Variants in CDH23 observed in about 807,000 individuals in gnomAD.
CDH23 encodes the protein cadherin-23.
CDH23 carries 189 observed loss-of-function variants against 317.1 expected under a neutral mutation model. The ratio of observed to expected loss-of-function variants is 0.60; its 90% CI spans 0.53 to 0.67. The LOEUF is 0.67. CDH23 is among the 30% of genes least tolerant of loss of function. The pLI is 0.00. For synonymous variants in CDH23, 1,839 were observed against 1,876.8 expected, an observed-to-expected ratio of 0.98 and a Z score of 0.52; for missense variants, 4,401 against 4,592.4, an observed-to-expected ratio of 0.96 and a Z score of 1.20.
intron 1 of CDH23, among the ~76,000 whole-genome samples, chr10:71,412,067 C>T (rs1348971416): frequency 1.3e-5 from 2 of 152,132 alleles, no homozygotes; most frequent in Non-Finnish European, 2.9e-5. Flanking sequence ...CAATATTCAT[C>T]CTTTTATGTC....
In CDH23 at chr10:71,799,111, G is replaced by T. The variant is rs1385569992; in HGVS notation, c.7055G>T (p.Gly2352Val). The T allele has an allele frequency of 2.5e-6, 4 of 1,612,338 alleles. No individual in the cohort carries two copies. The highest frequency in any genetic ancestry group is 3.4e-6 in the Non-Finnish European group (4 of 1,178,686). The change falls in exon 51 of 70, where the codon GGG (glycine) becomes GTG (valine). Residue 2352 changes from glycine to valine, a missense_variant and splice_region_variant. This residue lies in a region of CDH23 where 189 missense variants were observed against 250.9 expected (regional missense o/e 0.75). Coordinates refer to ENST00000224721, the MANE Select transcript of CDH23 (RefSeq NM_022124.6). ...GYVQLEDSSAGKVIANRTVDY... is the reference protein window; with the variant it reads ...GYVQLEDSSAVKVIANRTVDY... ...GGCAGTGGGAGCCTCTGTGTCTTAG[G>T]GAAGGTCATTGCCAACCGGACAGTG...
chr10:71,690,287 G>T (rs1865136249), intron 19 of CDH23, among the ~76,000 whole-genome samples, 181 bp from the exon 20 acceptor site: 1 of 152,140 alleles, frequency 6.6e-6, no homozygotes, highest in Non-Finnish European at 1.5e-5. Context: ...CAACGATTGA[G>T]CCGCCCTTGT....
intron 3 of CDH23, among the ~76,000 whole-genome samples, chr10:71,465,778 G>C (rs1295494224): frequency 6.6e-6 from 1 of 152,228 alleles, no homozygotes; most frequent in Non-Finnish European, 1.5e-5. Context: ...TGAGTGACAG[G>C]TGAGAGAAAG....
intron 31 of CDH23, 142 bp downstream of exon 31, chr10:71,730,746 G>A (rs1442646470): frequency 5.6e-6 from 7 of 1,259,562 alleles, no homozygotes; most frequent in South Asian, 1.4e-5. Flanking sequence ...GGGCTGCTGG[G>A]ATGGTCTTGA....
chr10:71,411,357 C>A (rs1848336246), intron 1 of CDH23, among the ~76,000 whole-genome samples: 1 of 151,872 alleles, frequency 6.6e-6, no homozygotes, highest in Admixed American at 6.6e-5. Flanking sequence ...AACTGGATTT[C>A]CTTCTATGTG....
intron 38 of CDH23, among the ~76,000 whole-genome samples, chr10:71,759,628 G>A (rs1254416491): frequency 6.6e-6 from 1 of 151,754 alleles, no homozygotes; most frequent in Non-Finnish European, 1.5e-5. Flanking sequence ...CCAACATGGT[G>A]AAACCCCAGC....
At chr10:71,461,184 A>G (rs1466813952) in intron 3 of CDH23, among the ~76,000 whole-genome samples, 1 of 152,208 alleles carries the variant, frequency 6.6e-6, no homozygotes, top group Admixed American at 6.5e-5. Flanking sequence ...CCATCAGGAG[A>G]CAGGGAAGAG....
chr10:71,396,923 C>A lies in CDH23; in HGVS notation c.-401C>A, dbSNP rs1847543312. ...GCGGGGGAAGCAAGGGAAAGTTGATCGCGGACTTGAGCGGCGGCGGCGGCT... is the reference window on the plus strand; with the variant it reads ...GCGGGGGAAGCAAGGGAAAGTTGATAGCGGACTTGAGCGGCGGCGGCGGCT... On this transcript the variant is annotated 5_prime_UTR_variant, in exon 1 of 70. Coordinates refer to ENST00000224721, the MANE Select transcript of CDH23 (RefSeq NM_022124.6). This position sits in a 1 kb window ranked among gnomAD's most constrained non-coding sequence, Gnocchi z 4.2. The A allele has an allele frequency of 6.5e-6, 1 of 152,948 alleles. No individual in the cohort carries two copies. The highest frequency in any genetic ancestry group is 1.9e-4 in the South Asian group (1 of 5,334). The allele number at this position is 152,948 out of a possible 1,614,324, so 9.5% of individuals were successfully genotyped here. A position where few individuals can be genotyped will look rare whatever the true frequency, so the allele number is the denominator to read the frequency against.
chr10:71,653,067 C>A (rs1454004583), intron 14 of CDH23, among the ~76,000 whole-genome samples: 4 of 151,398 alleles, frequency 2.6e-5, no homozygotes, highest in Non-Finnish European at 5.9e-5. Flanking sequence ...CAGCTCCCAT[C>A]TGGAAGTCTC....
chr10:71,703,361 G>A (rs1720672406), intron 24 of CDH23, among the ~76,000 whole-genome samples: 1 of 152,254 alleles, frequency 6.6e-6, no homozygotes, highest in African/African-American at 2.4e-5. Context: ...CAACGGGGAT[G>A]TGAATCCCAT....
intron 38 of CDH23, among the ~76,000 whole-genome samples, chr10:71,774,407 G>A (rs1242010145): frequency 6.6e-6 from 1 of 152,102 alleles, no homozygotes; most frequent in Admixed American, 6.5e-5. Context: ...CCCACTTCAC[G>A]AAATGTCCTG....
At chr10:71,813,522 G>C (rs1188044073) in intron 69 of CDH23, among the ~76,000 whole-genome samples, 174 bp downstream of exon 69, 3 of 152,172 alleles carry the variant, frequency 2.0e-5, no homozygotes, top group African/African-American at 7.2e-5. Flanking sequence ...CTGGGCTTTT[G>C]GGGGCTTTCA....
chr10:71,502,175 T>C (rs1210187185), intron 3 of CDH23, among the ~76,000 whole-genome samples: 2 of 152,230 alleles, frequency 1.3e-5, no homozygotes, highest in Non-Finnish European at 2.9e-5. Context: ...TCTGTCTCTC[T>C]AACAGCCCTG....
rs117671291 is a variant in CDH23, at chr10:71,658,772, C to T, written c.1449+12155C>T. Reference sequence around the variant, plus strand: ...GCCATGCCGGGATTCAGACCCCAGACGGTCTGACCCCAAAGCCCCTGGCTT... The same window carrying T: ...GCCATGCCGGGATTCAGACCCCAGATGGTCTGACCCCAAAGCCCCTGGCTT... On this transcript the variant is annotated intron_variant, in intron 14 of 69. Coordinates refer to ENST00000224721, the MANE Select transcript of CDH23 (RefSeq NM_022124.6). Among the ~76,000 whole-genome samples, 1,063 of 152,280 alleles carry T rather than the reference C, an allele frequency of 7.0e-3. 33 individuals carry two copies. In the East Asian group the frequency reaches 0.07, roughly 10 times the overall value.
At chr10:71,798,259 T>C in intron 49 of CDH23, 95 bp from the exon 50 acceptor site, 1 of 888,324 alleles carries the variant, frequency 1.1e-6, no homozygotes, top group South Asian at 1.5e-5. Context: ...TGTGGGATGC[T>C]GCCATGCTCA....
chr10:71,586,846 T>C (rs748423442), intron 9 of CDH23, among the ~76,000 whole-genome samples: 6 of 152,222 alleles, frequency 3.9e-5, no homozygotes, highest in Admixed American at 1.3e-4. Context: ...TTATCCTCGA[T>C]AGTATATATC....
chr10:71,614,844 A>G (rs1162326948), intron 9 of CDH23, among the ~76,000 whole-genome samples: 2 of 152,118 alleles, frequency 1.3e-5, no homozygotes, highest in African/African-American at 4.8e-5. Flanking sequence ...TGAAGGTGGC[A>G]GAGGGAGAGG....
intron 11 of CDH23, among the ~76,000 whole-genome samples, chr10:71,631,819 A>G (rs541087288): frequency 6.6e-6 from 1 of 152,356 alleles, no homozygotes; most frequent in African/African-American, 2.4e-5. Context: ...GACTGTGCTT[A>G]AATAAATAGA....
intron 39 of CDH23, 96 bp downstream of exon 39, chr10:71,777,997 CA>C: frequency 6.8e-7 from 1 of 1,470,000 alleles, no homozygotes; most frequent in South Asian, 1.2e-5. Flanking sequence ...AGCAAAGATG[CA>C]GTCTAGGGGA....
Sources: allele counts gnomAD v4.1 joint callset (sites outside exome capture counted in the v4.1 genomes callset), GRCh38; gene constraint gnomAD v4.1.1; regional missense constraint gnomAD v4.1.1; non-coding constraint Gnocchi (gnomAD v3.1); transcripts MANE v1.5; gene names NCBI Gene and HGNC (gene_info 2026-07-23, HGNC 2026-07-21).